MMRN1: variants seen among roughly 807,000 people sequenced by gnomAD.
MMRN1 encodes multimerin-1.
MMRN1 carries 94 observed loss-of-function variants against 100.7 expected under a neutral mutation model. The ratio of observed to expected loss-of-function variants is 0.93; its 90% CI spans 0.79 to 1.11. The LOEUF is 1.11. Ranked by LOEUF, MMRN1 falls within the 50% of genes least tolerant of loss-of-function variation. MMRN1 has a pLI of 0.00. For missense variants in MMRN1, 1,606 were observed against 1,439.1 expected, an observed-to-expected ratio of 1.12 and a Z score of -1.88; for synonymous variants, 575 against 505.0, an observed-to-expected ratio of 1.14 and a Z score of -1.86.
chr4:89,903,053 A>G (rs962313130), intron 1 of MMRN1, among the ~76,000 whole-genome samples: 3 of 151,958 alleles, frequency 2.0e-5, no homozygotes, highest in Non-Finnish European at 2.9e-5. Flanking sequence ...CCAAAGCTAA[A>G]TATCAAATGT....
intron 1 of MMRN1, among the ~76,000 whole-genome samples, chr4:89,884,840 C>T (rs1223608247): frequency 1.3e-5 from 2 of 152,146 alleles, no homozygotes; most frequent in African/African-American, 4.8e-5. Context: ...TTTACATTTT[C>T]CTTTCCAGTC....
At chr4:89,912,235 T>G (rs1287244474) in intron 3 of MMRN1, among the ~76,000 whole-genome samples, 185 bp downstream of exon 3, 1 of 151,302 alleles carries the variant, frequency 6.6e-6, no homozygotes, top group African/African-American at 2.4e-5. Flanking sequence ...CATAAGCTAT[T>G]CTTTAACTTC....
intron 3 of MMRN1, among the ~76,000 whole-genome samples, chr4:89,916,740 T>G (rs1721932907): frequency 6.6e-6 from 1 of 151,802 alleles, no homozygotes; most frequent in East Asian, 1.9e-4. Flanking sequence ...TCACTGATTT[T>G]AAAGTTTTTT....
chr4:89,935,884 T>C lies in MMRN1; in HGVS notation c.2204T>C (p.Ile735Thr), dbSNP rs1203778570. 5 of 1,609,758 alleles carry C rather than the reference T, an allele frequency of 3.1e-6. No homozygotes were observed. Among genetic ancestry groups the C allele is most frequent in the African/African-American group, 1.3e-5 (1 of 74,688 alleles). Residue 735 changes from isoleucine (I) to threonine (T), a missense_variant, in exon 6 of 8, where the codon ATA (isoleucine) becomes ACA (threonine). Coordinates refer to ENST00000264790, the MANE Select transcript of MMRN1 (RefSeq NM_007351.3). Reference protein sequence around the residue: ...EDGLNKTMTIINNAIDFIQDN... With the variant: ...EDGLNKTMTITNNAIDFIQDN... ...GGCCTCAATAAGACAATGACTATTA[T>C]AAATAATGCTATTGATTTCATTCAA... is the stretch of plus-strand genomic sequence containing the variant.
At chr4:89,882,539 T>C (rs1421582187) in intron 1 of MMRN1, among the ~76,000 whole-genome samples, 1 of 151,852 alleles carries the variant, frequency 6.6e-6, no homozygotes, top group Non-Finnish European at 1.5e-5. Context: ...TTTTCCTCCA[T>C]TTAATGTCCT....
chr4:89,943,583 T>C (rs1722897973), intron 6 of MMRN1, among the ~76,000 whole-genome samples: 1 of 152,204 alleles, frequency 6.6e-6, no homozygotes, highest in Non-Finnish European at 1.5e-5. Context: ...AAAGTTATAA[T>C]GATTCTTAAT....
At chr4:89,884,151 T>C (rs1436708565) in intron 1 of MMRN1, among the ~76,000 whole-genome samples, 1 of 152,160 alleles carries the variant, frequency 6.6e-6, no homozygotes, top group African/African-American at 2.4e-5. Context: ...GTATTAACTA[T>C]CCAATTTTTT....
chr4:89,938,476 C>CAT (rs372673572), intron 6 of MMRN1, among the ~76,000 whole-genome samples: 6,930 of 123,118 alleles, frequency 0.056, 163 homozygotes, highest in Non-Finnish European at 0.071. Context: ...ATTTTTTAAA[C>CAT]ATATATATAT....
intron 1 of MMRN1, among the ~76,000 whole-genome samples, chr4:89,881,458 C>A (rs567313286): frequency 1.4e-3 from 213 of 152,044 alleles, no homozygotes; most frequent in African/African-American, 4.9e-3. Context: ...AAAATGATTT[C>A]TTCTAACTGT....
intron 6 of MMRN1, among the ~76,000 whole-genome samples, chr4:89,939,884 T>C (rs949058015): frequency 1.8e-4 from 28 of 152,160 alleles, no homozygotes; most frequent in African/African-American, 6.8e-4. Context: ...TTTGGCTTTT[T>C]TGGGATATGG....
intron 3 of MMRN1, among the ~76,000 whole-genome samples, chr4:89,918,018 C>G (rs1721976508): frequency 6.6e-6 from 1 of 151,674 alleles, no homozygotes; most frequent in Non-Finnish European, 1.5e-5. Flanking sequence ...CAGCATAAAT[C>G]AATGAATATT....
intron 1 of MMRN1, among the ~76,000 whole-genome samples, chr4:89,887,184 C>T (rs1250860409): frequency 6.6e-6 from 1 of 152,042 alleles, no homozygotes; most frequent in African/African-American, 2.4e-5. Flanking sequence ...ATCTCATGTT[C>T]ATGGATTCAA....
rs988046286 is a variant in MMRN1, at chr4:89,909,375, C to T, written c.723C>T (p.Thr241=). 14 of 1,609,556 alleles carry T rather than the reference C, an allele frequency of 8.7e-6. No homozygotes were observed. Among genetic ancestry groups the T allele is most frequent in the Middle Eastern group, 1.7e-4 (1 of 6,028 alleles). Residue 241 remains threonine, a synonymous_variant, in exon 2 of 8, where the codon ACC becomes ACT. Coordinates refer to ENST00000264790, the MANE Select transcript of MMRN1 (RefSeq NM_007351.3). The part of the protein sequence containing the change: ...VPGGKGPCGW[T]GGSCPQRSQK... ...GTGGGAAAGGACCTTGTGGCTGGAC[C>T]GGTGGATCCTGTCCTCAGAGGTATG...
chr4:89,926,219 G>A (rs1722254043), intron 4 of MMRN1, among the ~76,000 whole-genome samples: 1 of 152,146 alleles, frequency 6.6e-6, no homozygotes, highest in African/African-American at 2.4e-5. Flanking sequence ...CTCCGTAGTG[G>A]TTGTACTAAC....
intron 6 of MMRN1, among the ~76,000 whole-genome samples, chr4:89,944,774 G>A (rs1722936152): frequency 6.6e-6 from 1 of 152,130 alleles, no homozygotes; most frequent in Non-Finnish European, 1.5e-5. Context: ...CAACAAAGAA[G>A]GTGGGATGAT....
intron 3 of MMRN1, among the ~76,000 whole-genome samples, chr4:89,917,333 G>A (rs1006481378): frequency 2.0e-5 from 3 of 151,712 alleles, no homozygotes; most frequent in African/African-American, 4.8e-5. Flanking sequence ...TTGAACCCCT[G>A]GAAATAAATC....
intron 6 of MMRN1, among the ~76,000 whole-genome samples, chr4:89,941,323 C>G (rs531132359): frequency 6.6e-6 from 1 of 152,070 alleles, no homozygotes; most frequent in Non-Finnish European, 1.5e-5. Context: ...GCAAAAAGTT[C>G]GTAACAGGAT....
upstream of MMRN1, chr4:89,894,767 A>G (rs544233683): frequency 7.6e-6 from 6 of 787,774 alleles, no homozygotes; most frequent in Admixed American, 3.3e-5. Context: ...CCATCCCACT[A>G]GAGGTCACAG....
intron 4 of MMRN1, among the ~76,000 whole-genome samples, chr4:89,925,116 T>G (rs1174728225): frequency 6.6e-6 from 1 of 151,760 alleles, no homozygotes; most frequent in East Asian, 1.9e-4. Flanking sequence ...TATTCATTCT[T>G]TCTTTTGCTA....
Sources: gnomAD v4.1 joint callset for allele counts (sites outside exome capture counted in the v4.1 genomes callset) on GRCh38, gnomAD v4.1.1 for gene constraint, MANE v1.5 for transcripts, NCBI Gene and HGNC (gene_info 2026-07-23, HGNC 2026-07-21) for gene names.